The following TLN2 variants were observed in gnomAD, a reference collection of about 807,000 sequenced individuals.
TLN2 encodes talin-2.
TLN2 carries 118 observed loss-of-function variants against 294.7 expected under a neutral mutation model. That is an observed-to-expected ratio of 0.40 (90% CI 0.34 to 0.47). TLN2 has a LOEUF of 0.47. TLN2 is among the 20% of genes least tolerant of loss of function. The pLI, the probability that TLN2 is intolerant of heterozygous loss-of-function variation, is 0.84. For synonymous variants in TLN2, 1,431 were observed against 1,304.5 expected (o/e 1.10, Z -2.09); for missense variants, 3,083 against 3,282.2 (o/e 0.94, Z 1.48).
At chr15:62,558,979 T>A (rs893012096) in intron 1 of TLN2, among the ~76,000 whole-genome samples, 1 of 152,216 alleles carries the variant, frequency 6.6e-6, no homozygotes, top group Admixed American at 6.5e-5. Flanking sequence ...TGCATTTGCT[T>A]CTTCTTAATT....
chr15:62,774,891 C>T (rs749610122), intron 42 of TLN2, among the ~76,000 whole-genome samples: 3 of 149,930 alleles, frequency 2.0e-5, no homozygotes, highest in Non-Finnish European at 4.4e-5. Context: ...CCTTGGCAAG[C>T]GGTGCTCCTG....
intron 1 of TLN2, among the ~76,000 whole-genome samples, chr15:62,582,991 T>C (rs1401308789): frequency 6.6e-6 from 1 of 152,196 alleles, no homozygotes; most frequent in Admixed American, 6.5e-5. Context: ...TTATCCCTGC[T>C]CTTTCCTCCA....
At chr15:62,836,970 T>C (rs1362166023) in intron 57 of TLN2, among the ~76,000 whole-genome samples, 2 of 140,684 alleles carry the variant, frequency 1.4e-5, no homozygotes, top group East Asian at 2.2e-4. Context: ...GTTCCATTTT[T>C]AATGATTGCA....
At chr15:62,708,020 T>C (rs1443388508) in intron 20 of TLN2, among the ~76,000 whole-genome samples, 1 of 152,078 alleles carries the variant, frequency 6.6e-6, no homozygotes, top group Admixed American at 6.5e-5. Flanking sequence ...CAAGCTTTCA[T>C]TGTCCACGCT....
intron 25 of TLN2, among the ~76,000 whole-genome samples, chr15:62,721,924 T>C (rs936559306): frequency 2.0e-5 from 3 of 152,232 alleles, no homozygotes; most frequent in Non-Finnish European, 4.4e-5. Context: ...GGCGAAGTTA[T>C]TTTGCTTTGT....
At chr15:62,473,203 A>G (rs1216136197) in intron 1 of TLN2, among the ~76,000 whole-genome samples, 1 of 152,152 alleles carries the variant, frequency 6.6e-6, no homozygotes, top group Non-Finnish European at 1.5e-5. Flanking sequence ...GGCCCTGGGG[A>G]CAGAACTTTC....
chr15:62,569,742 G>A (rs996359602), intron 1 of TLN2, among the ~76,000 whole-genome samples: 1 of 152,250 alleles, frequency 6.6e-6, no homozygotes, highest in African/African-American at 2.4e-5. Context: ...TGTTGTGATC[G>A]TGTAGGATAG....
chr15:62,430,960 C>T (rs2034980801), intron 1 of TLN2, among the ~76,000 whole-genome samples: 1 of 149,322 alleles, frequency 6.7e-6, no homozygotes, highest in Admixed American at 6.7e-5. Context: ...ACAAAAACAC[C>T]CAGCTCCTTC....
intron 1 of TLN2, among the ~76,000 whole-genome samples, chr15:62,557,225 G>A (rs1487896381): frequency 6.6e-6 from 1 of 152,140 alleles, no homozygotes; most frequent in Non-Finnish European, 1.5e-5. Flanking sequence ...GAGTCTTGGG[G>A]TATGGAAGTC....
Position 62,702,842 on chromosome 15 carries a change from A to G in TLN2, c.1982A>G (p.Asn661Ser). 6.2e-7 allele frequency: 1 copy of G among 1,614,160 alleles called. No homozygotes were observed. The highest frequency in any genetic ancestry group is 8.5e-7 in the Non-Finnish European group (1 of 1,179,996). Residue 661 changes from asparagine to serine, a missense_variant, in exon 19 of 59, where the codon AAT becomes AGT. Transcript: ENST00000636159. ...SGDLLRQIGE[N>S]ETDERFQDVL... Reference sequence around the variant, plus strand: ...GATCTTCTGAGACAGATTGGAGAGAATGAGACTGATGAGCGATTCCAGGTA... The same window carrying G: ...GATCTTCTGAGACAGATTGGAGAGAGTGAGACTGATGAGCGATTCCAGGTA...
chr15:62,794,339 G>A (rs2065305823), intron 46 of TLN2, among the ~76,000 whole-genome samples: 2 of 152,122 alleles, frequency 1.3e-5, no homozygotes, highest in Non-Finnish European at 2.9e-5. Context: ...TGCCTTGATG[G>A]TGTGTATAGT....
At chr15:62,417,062 G>A (rs1414835291) in intron 1 of TLN2, among the ~76,000 whole-genome samples, 1 of 152,190 alleles carries the variant, frequency 6.6e-6, no homozygotes, top group Non-Finnish European at 1.5e-5. Flanking sequence ...AGCTTTTGGA[G>A]TTGACGTTGG....
intron 28 of TLN2, among the ~76,000 whole-genome samples, chr15:62,728,205 T>G (rs1595807276): frequency 6.6e-6 from 1 of 152,172 alleles, no homozygotes; most frequent in South Asian, 2.1e-4. Context: ...TTTGCCTGTT[T>G]TTGAGCTGTA....
In TLN2 at chr15:62,690,716, C is replaced by G. The variant is rs374544761; in HGVS notation, c.1114-2124C>G. ...AGATCACGCCACTGCACTCCAGCCT[C>G]GGCACCATTGAGCACTGAGTGAACC... On this transcript the variant is annotated intron_variant, in intron 12 of 58. Coordinates refer to ENST00000636159, the MANE Select transcript of TLN2 (RefSeq NM_015059.3). 9.9e-3 allele frequency among the ~76,000 whole-genome samples: 1,389 copies of G among 140,406 alleles called. 31 individuals carry two copies. Among genetic ancestry groups the G allele is most frequent in the African/African-American group, 0.037 (1,157 of 30,858 alleles). 92.1% of individuals were successfully genotyped at this position (140,406 alleles called of 152,430 possible). A position where few individuals can be genotyped will look rare whatever the true frequency, so the allele number is the denominator to read the frequency against.
At chr15:62,751,950 T>A (rs2061962917) in intron 34 of TLN2, among the ~76,000 whole-genome samples, 1 of 152,240 alleles carries the variant, frequency 6.6e-6, no homozygotes, top group Non-Finnish European at 1.5e-5. Flanking sequence ...GCTTTCTGAT[T>A]ATGACCTCAC....
chr15:62,495,352 A>C (rs1436867080), intron 1 of TLN2, among the ~76,000 whole-genome samples: 6 of 152,204 alleles, frequency 3.9e-5, no homozygotes, highest in Admixed American at 1.3e-4. Context: ...CTTTCTCCCC[A>C]GAGAGAATGC....
At chr15:62,755,503 TA>T (rs757696385) in intron 36 of TLN2, 28 bp from the exon 37 acceptor site, 65 of 1,610,750 alleles carry the variant, frequency 4.0e-5, no homozygotes, top group Non-Finnish European at 5.4e-5. Flanking sequence ...TAGCATGGGG[TA>T]CCCCCAACCT....
chr15:62,652,091 C>T lies in TLN2; in HGVS notation c.321C>T (p.Ser107=), dbSNP rs756988134. 1.1e-5 allele frequency: 18 copies of T among 1,609,716 alleles called. No homozygotes were observed. Among genetic ancestry groups the T allele is most frequent in the East Asian group, 2.2e-5 (1 of 44,878 alleles). Residue 107 remains serine, a synonymous_variant, in exon 6 of 59, where the codon TCC becomes TCT. Transcript: ENST00000636159. ...TGAAGACAGTGATGGTGGATGATTC[C>T]AAGACTGTGGGGGAGCTCCTGGTCA... ...GSVKTVMVDD[S]KTVGELLVTI... is the part of the protein sequence containing the mutation.
chr15:62,441,834 G>A (rs1055232615), intron 1 of TLN2, among the ~76,000 whole-genome samples: 4 of 152,182 alleles, frequency 2.6e-5, no homozygotes, highest in African/African-American at 9.7e-5. Context: ...ACTGGGTTCA[G>A]ACAAGCTTCC....
Sources: gnomAD v4.1 joint callset for allele counts (sites outside exome capture counted in the v4.1 genomes callset) on GRCh38, gnomAD v4.1.1 for gene constraint, MANE v1.5 for transcripts, NCBI Gene and HGNC (gene_info 2026-07-23, HGNC 2026-07-21) for gene names.